The following RTF1 variants were observed in gnomAD, a reference collection of about 807,000 sequenced individuals.
RTF1 encodes RTF1 homolog, Paf1/RNA polymerase II complex component, also known as RNA polymerase-associated protein RTF1 homolog.
Under a neutral mutation model 95.7 loss-of-function variants are expected in RTF1, and 10 were observed. The observed-to-expected ratio is 0.10, with a 90% CI of 0.06 to 0.18. RTF1 has a LOEUF of 0.18. Among genes scored for constraint, RTF1 ranks in the 10% least tolerant of loss-of-function variants. The pLI is 1.00. For missense variants in RTF1, 458 were observed against 875.6 expected, an observed-to-expected ratio of 0.52 and a Z score of 6.02; for synonymous variants, 305 against 311.8, an observed-to-expected ratio of 0.98 and a Z score of 0.23.
intron 1 of RTF1, among the ~76,000 whole-genome samples, chr15:41,427,669 C>A (rs1433686789): frequency 2.0e-5 from 3 of 152,162 alleles, no homozygotes; most frequent in East Asian, 3.9e-4. Context: ...GACAGTGAGA[C>A]CCTGACTCAA....
intron 2 of RTF1, among the ~76,000 whole-genome samples, chr15:41,450,528 T>C (rs1396378619): frequency 2.7e-5 from 4 of 149,018 alleles, no homozygotes; most frequent in Non-Finnish European, 5.9e-5. Flanking sequence ...GAGCTTGCAG[T>C]GAGCCAAGAT....
intron 6 of RTF1, among the ~76,000 whole-genome samples, chr15:41,467,390 A>G (rs1156899309): frequency 1.3e-5 from 2 of 152,152 alleles, no homozygotes; most frequent in African/African-American, 2.4e-5. Flanking sequence ...AGCAAAGGAC[A>G]TGGGTATAGA....
chr15:41,420,859 G>A (rs954193615), intron 1 of RTF1, among the ~76,000 whole-genome samples: 2 of 152,180 alleles, frequency 1.3e-5, no homozygotes, highest in Non-Finnish European at 2.9e-5. Context: ...ACTCTCAGGG[G>A]ATAGAGGTCT....
intron 1 of RTF1, among the ~76,000 whole-genome samples, chr15:41,428,212 T>C (rs1175741259): frequency 1.3e-5 from 2 of 151,452 alleles, no homozygotes; most frequent in African/African-American, 4.9e-5. Context: ...ACACTGTCAC[T>C]TTGGGGGTTC....
chr15:41,470,682 G>A (rs1449777334), intron 7 of RTF1, among the ~76,000 whole-genome samples: 29 of 123,674 alleles, frequency 2.3e-4, no homozygotes, highest in African/African-American at 6.1e-4. Context: ...TTTTTGAGAC[G>A]GAGTCTCGCT....
chr15:41,439,798 C>A (rs942924092), intron 2 of RTF1, among the ~76,000 whole-genome samples: 1 of 152,000 alleles, frequency 6.6e-6, no homozygotes, highest in Admixed American at 6.6e-5. Context: ...ACTACAAGCA[C>A]GCACCACAGT....
In RTF1 at chr15:41,470,406, C is replaced by A. The variant is rs1314734525; in HGVS notation, c.1025+14C>A. On this transcript the variant is annotated intron_variant, in intron 7 of 17. Transcript: ENST00000389629. ...TGAAGAAGAGGAGTAAGCTCTTGTACATTTTGGTCTAGTAGGCAGGATAGG... is the reference window on the plus strand; with the variant it reads ...TGAAGAAGAGGAGTAAGCTCTTGTAAATTTTGGTCTAGTAGGCAGGATAGG... The A allele has an allele frequency of 1.2e-6, 2 of 1,613,354 alleles. No homozygotes were observed. Among genetic ancestry groups the A allele is most frequent in the Non-Finnish European group, 1.7e-6 (2 of 1,179,686 alleles).
At chr15:41,453,134 G>T in intron 3 of RTF1, 86 bp downstream of exon 3, 1 of 1,160,368 alleles carries the variant, frequency 8.6e-7, no homozygotes, top group Non-Finnish European at 1.2e-6. Flanking sequence ...AGGAAGGGGG[G>T]TACTTGCATT....
At chr15:41,430,731 A>T (rs547953114) in intron 1 of RTF1, among the ~76,000 whole-genome samples, 6 of 152,086 alleles carry the variant, frequency 3.9e-5, no homozygotes, top group African/African-American at 1.2e-4. Flanking sequence ...ACAGACCAAG[A>T]TTTCATCTCC....
At chr15:41,464,951 T>TGA in intron 5 of RTF1, 66 bp downstream of exon 5, 3 of 1,461,564 alleles carry the variant, frequency 2.1e-6, no homozygotes, top group Non-Finnish European at 2.7e-6. Context: ...TGTGTGTGTG[T>TGA]GTGTGTGTGT....
chr15:41,434,907 G>A (rs190994918), intron 1 of RTF1, among the ~76,000 whole-genome samples: 8 of 151,824 alleles, frequency 5.3e-5, no homozygotes, highest in African/African-American at 1.7e-4. Context: ...GATTACAGGC[G>A]TGAGCCACCG....
At chr15:41,439,951 C>G (rs2050724276) in intron 2 of RTF1, among the ~76,000 whole-genome samples, 1 of 152,282 alleles carries the variant, frequency 6.6e-6, no homozygotes, top group Admixed American at 6.5e-5. Context: ...TGCACCCAGC[C>G]TTTCATTTGA....
At position 41,478,875 on chromosome 15, in the gene RTF1, G is replaced by A. The variant is rs989760985; in HGVS notation, c.1819-228G>A. ...ATCAGGGTGGGTTTACAGTGCAGCA[G>A]ACATTAGTAATGTGTCCCTTAGCTA... On this transcript the variant is annotated intron_variant, in intron 15 of 17. Coordinates refer to ENST00000389629, the MANE Select transcript of RTF1 (RefSeq NM_015138.5). The A allele has an allele frequency of 1.2e-5, 7 of 606,006 alleles. No homozygotes were observed. The African/African-American group carries it at 1.3e-4, about 11-fold the overall frequency. The allele number at this position is 606,006 out of a possible 1,614,324, so 37.5% of individuals were successfully genotyped here.
chr15:41,472,665 G>A (rs2050919182), intron 8 of RTF1, among the ~76,000 whole-genome samples: 1 of 149,070 alleles, frequency 6.7e-6, no homozygotes, highest in South Asian at 2.1e-4. Flanking sequence ...CTACAGGCAT[G>A]CGCCACCACG....
At chr15:41,420,869 T>C (rs770288661) in intron 1 of RTF1, among the ~76,000 whole-genome samples, 2 of 152,236 alleles carry the variant, frequency 1.3e-5, no homozygotes, top group Non-Finnish European at 2.9e-5. Context: ...GATAGAGGTC[T>C]GGACTCTGCA....
rs1381792339 is a variant in RTF1, at chr15:41,481,897, C to G, written c.*1210C>G. ...GAGTTCAAGACCAATCTGACTAACA[C>G]GGTGAAACCCCATCTCTACTAAAAC... is the stretch of plus-strand genomic sequence containing the variant. On this transcript the variant is annotated 3_prime_UTR_variant, in exon 18 of 18. Transcript: ENST00000389629. 1.3e-5 allele frequency: 2 copies of G among 152,174 alleles called. No individual in the cohort carries two copies. Among genetic ancestry groups the G allele is most frequent in the Non-Finnish European group, 2.9e-5 (2 of 68,066 alleles). 9.4% of individuals were successfully genotyped at this position (152,174 alleles called of 1,614,324 possible). A position where few individuals can be genotyped will look rare whatever the true frequency, so the allele number is the denominator to read the frequency against.
At chr15:41,427,190 T>G (rs1390400524) in intron 1 of RTF1, among the ~76,000 whole-genome samples, 1 of 134,460 alleles carries the variant, frequency 7.4e-6, no homozygotes, top group Non-Finnish European at 1.5e-5. Context: ...CTTGCTCTGT[T>G]GCCCAGGCCG....
intron 6 of RTF1, among the ~76,000 whole-genome samples, chr15:41,466,735 T>C (rs2050882371): frequency 6.6e-6 from 1 of 152,258 alleles, no homozygotes; most frequent in South Asian, 2.1e-4. Context: ...CATTGTGATC[T>C]GTTAATACGT....
chr15:41,475,886 CTT>C, intron 11 of RTF1, 67 bp downstream of exon 11: 2 of 765,486 alleles, frequency 2.6e-6, no homozygotes, highest in Non-Finnish European at 4.3e-6. Context: ...ACATGATTCT[CTT>C]TTATTTCCCT....
Sources: gnomAD v4.1 joint callset for allele counts (sites outside exome capture counted in the v4.1 genomes callset) on GRCh38, gnomAD v4.1.1 for gene constraint, MANE v1.5 for transcripts, NCBI Gene and HGNC (gene_info 2026-07-23, HGNC 2026-07-21) for gene names.